GSG1L: variants seen among roughly 807,000 people sequenced by gnomAD.
The protein encoded by GSG1L is GSG1 like, also known as germ cell-specific gene 1-like protein.
GSG1L carries 24 observed loss-of-function variants against 42.1 expected under a neutral mutation model. That is an observed-to-expected ratio of 0.57 (90% CI 0.41 to 0.80). The LOEUF is 0.80. Among genes scored for constraint, GSG1L ranks in the 30% least tolerant of loss-of-function variants. GSG1L has a pLI of 0.00. For synonymous variants in GSG1L, 215 were observed against 203.5 expected, an observed-to-expected ratio of 1.06 and a Z score of -0.48; for missense variants, 445 against 472.2, an observed-to-expected ratio of 0.94 and a Z score of 0.53.
At chr16:27,869,114 G>GCAACCCCAAACCAGCAGTCTT (rs2083769779) in intron 3 of GSG1L, among the ~76,000 whole-genome samples, 1 of 151,952 alleles carries the variant, frequency 6.6e-6, no homozygotes, top group African/African-American at 2.4e-5. Context: ...CCAGAGCTGG[G>GCAACCCCAAACCAGCAGTCTT]GGTCTCCTGC....
chr16:27,979,578 A>AAG (rs2141122988), intron 1 of GSG1L, among the ~76,000 whole-genome samples: 1 of 145,980 alleles, frequency 6.9e-6, no homozygotes, highest in Non-Finnish European at 1.5e-5. Flanking sequence ...AAAAAAAAAA[A>AAG]AAAGAAAGAA....
intron 1 of GSG1L, among the ~76,000 whole-genome samples, chr16:28,015,246 G>A (rs895833501): frequency 2.0e-5 from 3 of 152,054 alleles, no homozygotes; most frequent in Non-Finnish European, 4.4e-5. Flanking sequence ...GCTCACGCCT[G>A]TGATCCCAGC....
chr16:27,948,138 G>A (rs1382686108), intron 2 of GSG1L, among the ~76,000 whole-genome samples: 5 of 152,162 alleles, frequency 3.3e-5, no homozygotes, highest in African/African-American at 4.8e-5. Context: ...CCTGGGGACA[G>A]GAAGTAAAAT....
chr16:27,978,127 C>T (rs562763836), intron 1 of GSG1L, among the ~76,000 whole-genome samples: 15 of 152,322 alleles, frequency 9.8e-5, no homozygotes, highest in East Asian at 9.6e-4. Flanking sequence ...GAGCCTGGCA[C>T]GGGCCCTCAG....
rs1240159215 is a variant in GSG1L, at chr16:28,063,205, C to T, written c.220G>A (p.Ala74Thr). 12 of 1,169,768 alleles carry T rather than the reference C, an allele frequency of 1.0e-5. No homozygotes were observed. The highest frequency in any genetic ancestry group is 4.9e-5 in the African/African-American group (3 of 61,296). The allele number at this position is 1,169,768 out of a possible 1,614,324, so 72.5% of individuals were successfully genotyped here. Reference sequence around the variant, plus strand: ...GGGGGGCCGTTCCCCGAGGCGGTGGCGGCGGCGGCGGCGGCGGCGGGGGCG... The same window carrying T: ...GGGGGGCCGTTCCCCGAGGCGGTGGTGGCGGCGGCGGCGGCGGCGGGGGCG... ...TAAPAAAAAAATASGNGPPGG... is the reference protein window; with the variant it reads ...TAAPAAAAAATTASGNGPPGG... The change falls in exon 1 of 7, where the codon GCC becomes ACC. Residue 74 changes from alanine (A) to threonine (T), a missense_variant. By Grantham distance (58) the Ala-to-Thr change is moderately conservative. This residue lies in a region of GSG1L where 156 missense variants were observed against 128.3 expected (regional missense o/e 1.22). Coordinates refer to ENST00000447459, the MANE Select transcript of GSG1L (RefSeq NM_001109763.2). The surrounding 1 kb of genome is among the most constrained non-coding windows in gnomAD (Gnocchi z 5.8).
At chr16:27,803,796 G>GATATATATATAT (rs879523842) in intron 6 of GSG1L, among the ~76,000 whole-genome samples, 103 of 73,750 alleles carry the variant, frequency 1.4e-3, no homozygotes, top group African/African-American at 5.1e-3. Context: ...TATATATATA[G>GATATATATATAT]ATAGATAGAT....
Position 27,789,124 on chromosome 16 carries a change from G to A in GSG1L, c.*2246C>T, listed in dbSNP as rs755161348. The A allele has an allele frequency of 2.6e-5, 4 of 152,272 alleles. No homozygotes were observed. Among genetic ancestry groups the A allele is most frequent in the Non-Finnish European group, 5.9e-5 (4 of 68,056 alleles). 9.4% of individuals were successfully genotyped at this position (152,272 alleles called of 1,614,324 possible). ...GAAGGATGACAAGCAATCAATAGAA[G>A]ATGGATAGATGGATGGATGAATGGA... On this transcript the variant is annotated 3_prime_UTR_variant, in exon 7 of 7. Coordinates refer to ENST00000447459, the MANE Select transcript of GSG1L (RefSeq NM_001109763.2).
chr16:28,048,009 A>G (rs1008989198), intron 1 of GSG1L, among the ~76,000 whole-genome samples: 6 of 151,712 alleles, frequency 4.0e-5, no homozygotes, highest in Middle Eastern at 3.2e-3. Context: ...GCTTGAGGCC[A>G]ATAGTTTGAG....
At chr16:27,815,829 T>A (rs2083088257) in intron 5 of GSG1L, among the ~76,000 whole-genome samples, 1 of 152,060 alleles carries the variant, frequency 6.6e-6, no homozygotes, top group Admixed American at 6.6e-5. Flanking sequence ...AAAAAAATTA[T>A]CCAGGTGCTA....
At chr16:27,808,611 G>T (rs1011666013) in intron 5 of GSG1L, among the ~76,000 whole-genome samples, 1 of 152,086 alleles carries the variant, frequency 6.6e-6, no homozygotes, top group African/African-American at 2.4e-5. Flanking sequence ...TAGAGACAGG[G>T]TTTCACCATG....
intron 1 of GSG1L, among the ~76,000 whole-genome samples, chr16:28,017,833 C>T (rs377137722): frequency 6.6e-6 from 1 of 152,060 alleles, no homozygotes; most frequent in Non-Finnish European, 1.5e-5. Context: ...TCAGGAATGG[C>T]AGAAAGTGAC....
intron 1 of GSG1L, among the ~76,000 whole-genome samples, chr16:28,008,441 T>TC (rs2085671321): frequency 6.6e-6 from 1 of 152,150 alleles, no homozygotes; most frequent in Non-Finnish European, 1.5e-5. Flanking sequence ...CCTTGTGCCA[T>TC]CCCTCCTGAA....
chr16:27,969,775 T>C (rs1032698492), intron 1 of GSG1L, among the ~76,000 whole-genome samples: 1 of 152,212 alleles, frequency 6.6e-6, no homozygotes, highest in African/African-American at 2.4e-5. Flanking sequence ...TTTTGAGAAA[T>C]TGCGACACTT....
chr16:27,918,615 T>C (rs982611767), intron 2 of GSG1L, among the ~76,000 whole-genome samples: 2 of 148,410 alleles, frequency 1.3e-5, no homozygotes, highest in Non-Finnish European at 3.0e-5. Flanking sequence ...GCCAAGATCA[T>C]GCCATTGCAC....
chr16:27,978,315 GCACCAGGGT>G (rs2085273799), intron 1 of GSG1L, among the ~76,000 whole-genome samples: 1 of 152,198 alleles, frequency 6.6e-6, no homozygotes, highest in Non-Finnish European at 1.5e-5. Context: ...GCCATGGGGT[GCACCAGGGT>G]CACCAGGAAG....
chr16:27,914,309 T>TAGG (rs143933596), intron 2 of GSG1L, among the ~76,000 whole-genome samples: 2,469 of 152,272 alleles, frequency 0.016, 64 homozygotes, highest in African/African-American at 0.056. Flanking sequence ...GGTTTGGCAG[T>TAGG]AGAATTGTTA....
At chr16:27,824,028 C>T (rs1056868434) in intron 5 of GSG1L, 20 of 671,678 alleles carry the variant, frequency 3.0e-5, no homozygotes, top group African/African-American at 1.8e-4. Context: ...CAGATAATAA[C>T]GAGATTATCA....
At chr16:27,905,878 C>A (rs1460748114) in intron 2 of GSG1L, among the ~76,000 whole-genome samples, 1 of 152,100 alleles carries the variant, frequency 6.6e-6, no homozygotes, top group East Asian at 1.9e-4. Context: ...CCCACCCCTG[C>A]CTCACCACCT....
chr16:27,988,927 C>A (rs2085421905), intron 1 of GSG1L, among the ~76,000 whole-genome samples: 1 of 151,646 alleles, frequency 6.6e-6, no homozygotes, highest in African/African-American at 2.4e-5. Flanking sequence ...GTGGTGCATG[C>A]CTGTAATCCC....
Sources: allele counts gnomAD v4.1 joint callset (sites outside exome capture counted in the v4.1 genomes callset), GRCh38; gene constraint gnomAD v4.1.1; regional missense constraint gnomAD v4.1.1; non-coding constraint Gnocchi (gnomAD v3.1); transcripts MANE v1.5; gene names NCBI Gene and HGNC (gene_info 2026-07-23, HGNC 2026-07-21).